TPD52: variants seen among roughly 807,000 people sequenced by gnomAD.
TPD52 encodes the protein tumor protein D52, also known as prostate and colon associated protein.
In TPD52, 17 loss-of-function variants were observed where a neutral mutation model predicts 31.3. The ratio of observed to expected loss-of-function variants is 0.54; its 90% CI spans 0.37 to 0.82. The LOEUF (loss-of-function observed/expected upper bound fraction) is 0.82. Ranked by LOEUF, TPD52 falls within the 40% of genes least tolerant of loss-of-function variation. TPD52 has a pLI of 0.00. For synonymous variants in TPD52, 83 were observed against 89.6 expected, an observed-to-expected ratio of 0.93 and a Z score of 0.42; for missense variants, 212 against 240.1, an observed-to-expected ratio of 0.88 and a Z score of 0.77.
intron 1 of TPD52, among the ~76,000 whole-genome samples, chr8:80,148,326 G>GTGTGTGTGTC (rs1810346249): frequency 6.6e-6 from 1 of 151,224 alleles, no homozygotes; most frequent in Non-Finnish European, 1.5e-5. Context: ...AAGTGTGTGT[G>GTGTGTGTGTC]TGTGTGTGTG....
chr8:80,095,813 C>A, intron 1 of TPD52, among the ~76,000 whole-genome samples: 1 of 152,106 alleles, frequency 6.6e-6, no homozygotes, highest in East Asian at 1.9e-4. Context: ...CTGAGTGTAG[C>A]GGCATGCGCC....
intron 1 of TPD52, among the ~76,000 whole-genome samples, chr8:80,093,803 G>A (rs757096585): frequency 2.6e-5 from 4 of 152,122 alleles, no homozygotes; most frequent in African/African-American, 7.2e-5. Context: ...ATCTGAACCT[G>A]CTACTCTGGT....
rs191983790 is a variant in TPD52, at chr8:80,110,081, C to T, written c.20-45488G>A. 5.9e-5 allele frequency among the ~76,000 whole-genome samples: 9 copies of T among 152,258 alleles called. No individual in the cohort carries two copies. In the East Asian group the frequency reaches 1.7e-3, roughly 29 times the overall value. On this transcript the variant is annotated intron_variant, in intron 1 of 7. Transcript: ENST00000518937. ...AAACCAGGAAAATATGCTTAGAGCTCAAATCTAGAAATCTTCCTGACTAAT... is the reference window on the plus strand; with the variant it reads ...AAACCAGGAAAATATGCTTAGAGCTTAAATCTAGAAATCTTCCTGACTAAT...
At chr8:80,115,038 A>G (rs1190276768) in intron 1 of TPD52, among the ~76,000 whole-genome samples, 1 of 152,190 alleles carries the variant, frequency 6.6e-6, no homozygotes, top group African/African-American at 2.4e-5. Flanking sequence ...TGCGTTGCAC[A>G]TTTTACAAGT....
intron 2 of TPD52, among the ~76,000 whole-genome samples, chr8:80,056,741 C>T (rs976953563): frequency 2.0e-5 from 3 of 152,130 alleles, no homozygotes; most frequent in African/African-American, 7.2e-5. Flanking sequence ...AATTGGAACC[C>T]TCAGACACAG....
intron 5 of TPD52, among the ~76,000 whole-genome samples, chr8:80,045,951 C>T (rs1044048618): frequency 6.6e-6 from 1 of 152,092 alleles, no homozygotes. Flanking sequence ...GTCCCGGGGA[C>T]CCACACATTG....
At chr8:80,051,873 A>G (rs1412674276) in intron 3 of TPD52, 1 of 397,984 alleles carries the variant, frequency 2.5e-6, no homozygotes, top group African/African-American at 2.1e-5. Context: ...GAGTCCTATA[A>G]AGGCAGGGCC....
chr8:80,146,628 C>T (rs1158832274), intron 1 of TPD52, among the ~76,000 whole-genome samples: 1 of 152,158 alleles, frequency 6.6e-6, no homozygotes, highest in Middle Eastern at 3.2e-3. Context: ...ACAAACATAG[C>T]TGCATAAAGG....
chr8:80,048,057 A>AT, intron 5 of TPD52, among the ~76,000 whole-genome samples: 2 of 152,344 alleles, frequency 1.3e-5, no homozygotes, highest in Admixed American at 1.3e-4. Flanking sequence ...TCACATAGGC[A>AT]TAGAACATAT....
At chr8:80,154,994 G>GT (rs1455151314) in intron 1 of TPD52, among the ~76,000 whole-genome samples, 60 of 118,090 alleles carry the variant, frequency 5.1e-4, no homozygotes, top group East Asian at 3.3e-3. Context: ...TGTGTTTTTG[G>GT]TTTTTTGTTT....
chr8:80,065,499 C>G (rs557565278), intron 1 of TPD52, among the ~76,000 whole-genome samples: 1 of 152,122 alleles, frequency 6.6e-6, no homozygotes, highest in South Asian at 2.1e-4. Context: ...CAGATCTCCC[C>G]TCTTTTCCTG....
intron 1 of TPD52, among the ~76,000 whole-genome samples, chr8:80,094,567 T>C (rs1015580565): frequency 2.7e-5 from 4 of 147,652 alleles, no homozygotes; most frequent in Admixed American, 6.8e-5. Flanking sequence ...TGGAAACATA[T>C]TGCCAAATAT....
intron 1 of TPD52, among the ~76,000 whole-genome samples, chr8:80,168,070 C>T (rs1262100306): frequency 6.6e-6 from 1 of 152,204 alleles, no homozygotes; most frequent in Non-Finnish European, 1.5e-5. Flanking sequence ...CTTGGAAACT[C>T]TTGAAAGGCA....
intron 2 of TPD52, among the ~76,000 whole-genome samples, chr8:80,061,093 C>T (rs553980555): frequency 3.9e-5 from 6 of 152,210 alleles, no homozygotes; most frequent in South Asian, 2.1e-4. Flanking sequence ...AGGCCAGGTG[C>T]GGTGGCTCAT....
rs1811243635 is a variant in TPD52 at position 80,050,380 on chromosome 8, T to G, written c.413+65A>C. 5.3e-6 allele frequency: 8 copies of G among 1,497,180 alleles called. No homozygotes were observed. The East Asian group carries it at 1.9e-4, about 35-fold the overall frequency. The allele number at this position is 1,497,180 out of a possible 1,614,324, so 92.7% of individuals were successfully genotyped here. ...ACGATCATCCAACGTAGCATGGTAA[T>G]CTAATCTCAGCACACTTTTCTTATA... On this transcript the variant is annotated intron_variant, in intron 5 of 7. Coordinates refer to ENST00000518937, the MANE Select transcript of TPD52 (RefSeq NM_001025253.3).
intron 1 of TPD52, among the ~76,000 whole-genome samples, chr8:80,165,395 C>T (rs1811647486): frequency 6.6e-6 from 1 of 152,202 alleles, no homozygotes; most frequent in Admixed American, 6.5e-5. Flanking sequence ...CATACATTTG[C>T]TGCAGCTTTG....
intron 2 of TPD52, among the ~76,000 whole-genome samples, chr8:80,061,831 C>A (rs2130657087): frequency 6.6e-6 from 1 of 152,216 alleles, no homozygotes; most frequent in South Asian, 2.1e-4. Flanking sequence ...ACAATCACAT[C>A]AACAAGAATA....
chr8:80,118,107 T>C (rs1315740459), intron 1 of TPD52, among the ~76,000 whole-genome samples: 5 of 152,182 alleles, frequency 3.3e-5, no homozygotes, highest in Admixed American at 6.5e-5. Flanking sequence ...GATATAAGAA[T>C]AGACATATAG....
chr8:80,171,340 C>A, intron 1 of TPD52, 85 bp downstream of exon 1: 1 of 1,552,860 alleles, frequency 6.4e-7, no homozygotes, highest in Non-Finnish European at 8.7e-7. Flanking sequence ...GCCGCCGGGC[C>A]GCGCTCAGCC....
Sources: gnomAD v4.1 joint callset for allele counts (sites outside exome capture counted in the v4.1 genomes callset) on GRCh38, gnomAD v4.1.1 for gene constraint, MANE v1.5 for transcripts, NCBI Gene and HGNC (gene_info 2026-07-23, HGNC 2026-07-21) for gene names.